SYNE1: variants seen among roughly 807,000 people sequenced by gnomAD.
SYNE1 encodes the protein spectrin repeat containing nuclear envelope protein 1, also known as nesprin-1.
SYNE1 carries 616 observed loss-of-function variants against 1,111.0 expected under a neutral mutation model. The ratio of observed to expected loss-of-function variants is 0.55; its 90% confidence interval spans 0.52 to 0.59. SYNE1 has a LOEUF of 0.59. Among genes scored for constraint, SYNE1 ranks in the 20% least tolerant of loss-of-function variants. SYNE1 has a pLI of 0.00. For missense variants in SYNE1, 10,006 were observed against 10,417.0 expected (o/e 0.96, Z 1.72); for synonymous variants, 3,855 against 3,825.8 (o/e 1.01, Z -0.28).
intron 3 of SYNE1, among the ~76,000 whole-genome samples, chr6:152,544,991 A>G (rs1217208740): frequency 1.3e-5 from 2 of 152,232 alleles, no homozygotes; most frequent in African/African-American, 4.8e-5. Context: ...GGGTCCTATG[A>G]CCACTGCCTT....
At chr6:152,400,999 G>A in intron 47 of SYNE1, 139 bp downstream of exon 47, 2 of 785,560 alleles carry the variant, frequency 2.5e-6, no homozygotes, top group Non-Finnish European at 4.2e-6. Context: ...ACTTTGCTGT[G>A]TTCAATGTCA....
In SYNE1 at chr6:152,347,255, A is replaced by ATT; in HGVS notation, c.11902-21_11902-20insAA. 1 of 1,614,056 alleles carries ATT rather than the reference A, an allele frequency of 6.2e-7. No homozygotes were observed. The highest frequency in any genetic ancestry group is 8.5e-7 in the Non-Finnish European group (1 of 1,179,956). ...CATTGCCTGCAAAAGTGAAACCAAT[A>ATT]CAGAGTTTTCAGAATTCTACTTTTA... On this transcript the variant is annotated intron_variant, in intron 72 of 145. Coordinates refer to ENST00000367255, the MANE Select transcript of SYNE1 (RefSeq NM_182961.4).
Position 152,323,649 on chromosome 6 carries a change from GTTAAGAGCTCTGC to G in SYNE1, c.15733_15745del (p.Ala5245LeufsTer28). 1 of 1,614,250 alleles carries G rather than the reference GTTAAGAGCTCTGC, an allele frequency of 6.2e-7. No individual in the cohort carries two copies. Among genetic ancestry groups the G allele is most frequent in the Non-Finnish European group, 8.5e-7 (1 of 1,180,050 alleles). On this transcript the variant is annotated frameshift_variant, in exon 82 of 146. Coordinates refer to ENST00000367255, the MANE Select transcript of SYNE1 (RefSeq NM_182961.4). LOFTEE classifies it high-confidence loss of function. Reference sequence around the variant, plus strand: ...GAACGTGTCGTGGTATTCAAGAAGAGTTAAGAGCTCTGCTTTCGATGCTTTCTCTGCTGAACTT... The same window carrying G: ...GAACGTGTCGTGGTATTCAAGAAGAGTTTCGATGCTTTCTCTGCTGAACTT...
At chr6:152,301,732 C>T in intron 92 of SYNE1, 137 bp downstream of exon 92, 3 of 939,480 alleles carry the variant, frequency 3.2e-6, no homozygotes, top group Non-Finnish European at 4.7e-6. Flanking sequence ...GTCAAAGAGA[C>T]TTAAGGAATC....
rs560717872 is a variant in SYNE1, at chr6:152,260,817, G to T, written c.18972+1215C>A. ...ACTCACAAGCATAGTTCACAATAGGGTTCACATTCCTATGAGCATCTAGTG... is the reference window on the plus strand; with the variant it reads ...ACTCACAAGCATAGTTCACAATAGGTTTCACATTCCTATGAGCATCTAGTG... On this transcript the variant is annotated intron_variant, in intron 101 of 145. Coordinates refer to ENST00000367255, the MANE Select transcript of SYNE1 (RefSeq NM_182961.4). Among the ~76,000 whole-genome samples the T allele has an allele frequency of 6.6e-5, 10 of 152,058 alleles. No homozygotes were observed. The South Asian group carries it at 1.3e-3, about 19-fold the overall frequency.
chr6:152,178,493 A>G (rs2067046322), intron 129 of SYNE1, among the ~76,000 whole-genome samples: 1 of 152,248 alleles, frequency 6.6e-6, no homozygotes, highest in Non-Finnish European at 1.5e-5. Context: ...AGCAAATTGG[A>G]TACATAAAGG....
rs1385081311 is a variant in SYNE1, at chr6:152,450,708, A to C, written c.3312T>G (p.Thr1104=). ...VRDTPGTCHV[T]LKELRAAIDS... ...CAATGGCAGCTCTGAGCTCTTTGAG[A>C]GTCACGTGACAGGTTCCAGGTGTGT... The change falls in exon 27 of 146, where the codon ACT becomes ACG. Residue 1104 remains threonine, a synonymous_variant. Coordinates refer to ENST00000367255, the MANE Select transcript of SYNE1 (RefSeq NM_182961.4). The C allele has an allele frequency of 6.2e-7, 1 of 1,614,084 alleles. No homozygotes were observed. The highest frequency in any genetic ancestry group is 1.1e-5 in the South Asian group (1 of 91,074).
chr6:152,459,188 A>G (rs989960882), intron 21 of SYNE1, among the ~76,000 whole-genome samples: 7 of 152,204 alleles, frequency 4.6e-5, no homozygotes, highest in South Asian at 2.1e-4. Context: ...CCATCTGGAT[A>G]GCACTTTCTC....
chr6:152,271,731 A>G (rs2093225655), intron 98 of SYNE1, among the ~76,000 whole-genome samples: 1 of 152,232 alleles, frequency 6.6e-6, no homozygotes, highest in Non-Finnish European at 1.5e-5. Flanking sequence ...GCAGTTCAAA[A>G]GGAACCCATA....
intron 115 of SYNE1, among the ~76,000 whole-genome samples, chr6:152,227,413 ATTAG>A (rs1279738830): frequency 1.3e-5 from 2 of 152,212 alleles, no homozygotes; most frequent in East Asian, 1.9e-4. Context: ...GTTTTGGTTA[ATTAG>A]TTAGACACTC....
chr6:152,393,429 G>A (rs2097679086), intron 51 of SYNE1, among the ~76,000 whole-genome samples: 2 of 151,970 alleles, frequency 1.3e-5, no homozygotes. Flanking sequence ...AAATTTAAGT[G>A]CAATGTAGTT....
chr6:152,218,362 T>C lies in SYNE1; in HGVS notation c.22086A>G (p.Glu7362=). The change falls in exon 121 of 146, where the codon GAA becomes GAG. Residue 7362 remains glutamate (E), a synonymous_variant. Coordinates refer to ENST00000367255, the MANE Select transcript of SYNE1 (RefSeq NM_182961.4). ...LDYETFAKSL[E]ALEAWIVEAE... is the part of the protein sequence containing the mutation. ...CTTCCACTATCCAGGCCTCCAAAGC[T>C]TCTAAACTCTTGGCAAAGGTTTCAT... 6.2e-7 allele frequency: 1 copy of C among 1,614,042 alleles called. No homozygotes were observed. The highest frequency in any genetic ancestry group is 2.2e-5 in the East Asian group (1 of 44,874).
Position 152,310,828 on chromosome 6 carries a change from T to C in SYNE1, c.16756A>G (p.Met5586Val), listed in dbSNP as rs759241166. The C allele has an allele frequency of 6.2e-7, 1 of 1,614,144 alleles. No individual in the cohort carries two copies. Among genetic ancestry groups the C allele is most frequent in the South Asian group, 1.1e-5 (1 of 91,066 alleles). ...GTGAGGTACTGTAATTTCTCAGTCATTGCTTCCAGCTCACTGTCAATTTCT... is the reference window on the plus strand; with the variant it reads ...GTGAGGTACTGTAATTTCTCAGTCACTGCTTCCAGCTCACTGTCAATTTCT... ...SKEIDSELEA[M>V]TEKLQYLTSV... is the part of the protein sequence containing the mutation. Residue 5586 changes from methionine (M) to valine (V), a missense_variant, in exon 88 of 146, where the codon ATG (methionine) becomes GTG (valine). By Grantham distance (21) the Met-to-Val change is conservative. Transcript: ENST00000367255.
chr6:152,316,843 G>A lies in SYNE1; in HGVS notation c.16710+6C>T. 1 of 1,613,978 alleles carries A rather than the reference G, an allele frequency of 6.2e-7. No individual in the cohort carries two copies. Among genetic ancestry groups the A allele is most frequent in the Non-Finnish European group, 8.5e-7 (1 of 1,179,986 alleles). On this transcript the variant is annotated splice_donor_region_variant and intron_variant, in intron 87 of 145. Coordinates refer to ENST00000367255, the MANE Select transcript of SYNE1 (RefSeq NM_182961.4). ...ACTTTTTAAAGATTATTTTTCCTAAGGTTACCTGATGCAAAATATATTGTT... is the reference window on the plus strand; with the variant it reads ...ACTTTTTAAAGATTATTTTTCCTAAAGTTACCTGATGCAAAATATATTGTT...
At position 152,369,045 on chromosome 6, in the gene SYNE1, G is replaced by T. The variant is rs535238430; in HGVS notation, c.9734C>A (p.Ala3245Asp). 4.3e-6 allele frequency: 7 copies of T among 1,614,220 alleles called. No individual in the cohort carries two copies. Among genetic ancestry groups the T allele is most frequent in the Middle Eastern group, 3.3e-4 (2 of 6,062 alleles). The change falls in exon 61 of 146, where the codon GCT (alanine) becomes GAT (aspartate). Residue 3245 changes from alanine to aspartate, a missense_variant. This residue lies in a region of SYNE1 where 4,955 missense variants were observed against 5,017.2 expected (regional missense o/e 0.99). Coordinates refer to ENST00000367255, the MANE Select transcript of SYNE1 (RefSeq NM_182961.4). The part of the protein sequence containing the change: ...EKAQQLWEGQ[A>D]ASKSFRHRVS... ...TCTGTGCCTAAAGCTCTTGCTGGCA[G>T]CTTGTCCTTCCCACAGCTGCTGAGC...
chr6:152,141,208 G>T lies in SYNE1; in HGVS notation c.25241C>A (p.Thr8414Lys). 6.2e-7 allele frequency: 1 copy of T among 1,614,120 alleles called. No homozygotes were observed. ...ACTGGATGCTACGCACTCACCAGCC[G>T]TTTGGGTTTCGGTACTATGCAGGTT... Reference protein sequence around the residue: ...FVNLHSTETQTAGVIDRWELL... With the variant: ...FVNLHSTETQKAGVIDRWELL... The change falls in exon 139 of 146, where the codon ACG (threonine) becomes AAG (lysine). Residue 8414 changes from threonine to lysine, a missense_variant. Physicochemically the swap from Thr to Lys is moderately conservative, Grantham distance 78. Transcript: ENST00000367255.
At chr6:152,589,143 G>A (rs1215665415) in intron 3 of SYNE1, among the ~76,000 whole-genome samples, 1 of 151,992 alleles carries the variant, frequency 6.6e-6, no homozygotes, top group Non-Finnish European at 1.5e-5. Context: ...CTGACCTCAG[G>A]TAATCCACTC....
intron 122 of SYNE1, among the ~76,000 whole-genome samples, chr6:152,214,338 C>T (rs775156071): frequency 2.6e-5 from 4 of 152,054 alleles, no homozygotes; most frequent in Non-Finnish European, 5.9e-5. Flanking sequence ...ATTTAGTACA[C>T]TAAACATGAG....
chr6:152,140,031 C>T lies in SYNE1; in HGVS notation c.25377G>A (p.Thr8459=), dbSNP rs755748581. The change falls in exon 140 of 146, where the codon ACG becomes ACA. Residue 8459 remains threonine (T), a synonymous_variant. Transcript: ENST00000367255. ...LNSIWAWLGD[T]EEELEQLQRL... The stretch of plus-strand genomic sequence containing the variant: ...GCTGGAGCTGTTCCAACTCCTCCTC[C>T]GTGTCCCCCAGCCAGGCCCAGATGC... 1.4e-5 allele frequency: 22 copies of T among 1,614,024 alleles called. 1 individual carries two copies. Among genetic ancestry groups the T allele is most frequent in the South Asian group, 8.8e-5 (8 of 91,092 alleles).
Sources: allele counts gnomAD v4.1 joint callset (sites outside exome capture counted in the v4.1 genomes callset), GRCh38; gene constraint gnomAD v4.1.1; regional missense constraint gnomAD v4.1.1; transcripts MANE v1.5; gene names NCBI Gene and HGNC (gene_info 2026-07-23, HGNC 2026-07-21).